Variants in ZSWIM3 observed in about 807,000 individuals in gnomAD.
ZSWIM3 encodes the protein zinc finger SWIM-type containing 3.
A neutral mutation model predicts 47.5 loss-of-function variants in ZSWIM3; 27 were observed. That is an observed-to-expected ratio of 0.57 (90% CI 0.42 to 0.78). The LOEUF is 0.78. ZSWIM3 is among the 30% of genes least tolerant of loss of function. The pLI, the probability that ZSWIM3 is intolerant of heterozygous loss-of-function variation, is 0.00. For synonymous variants in ZSWIM3, 333 were observed against 333.9 expected (o/e 1.00, Z 0.03); for missense variants, 689 against 861.3 (o/e 0.80, Z 2.50).
rs1239100972 is a variant in ZSWIM3 at position 45,872,750 on chromosome 20, T to G, written c.156-3964T>G. ...AGTGGTCACCCCTCACTGGCCTCGC[T>G]GTACTACTGGACTGCTCCAGCCCTT... On this transcript the variant is annotated intron_variant, in intron 1 of 1. Coordinates refer to ENST00000255152, the MANE Select transcript of ZSWIM3 (RefSeq NM_080752.4). The G allele has an allele frequency of 4.7e-6, 6 of 1,289,372 alleles. 1 individual carries two copies. The highest frequency in any genetic ancestry group is 6.1e-6 in the Non-Finnish European group (6 of 988,856). 79.9% of individuals were successfully genotyped at this position (1,289,372 alleles called of 1,614,324 possible).
In ZSWIM3 at chr20:45,877,206, C is replaced by T; in HGVS notation, c.648C>T (p.Arg216=). The change falls in exon 2 of 2, where the codon CGC becomes CGT. Residue 216 remains arginine (R), a synonymous_variant. Transcript: ENST00000255152. ...QSSKMTDLFI[R]FPENLLLHRV... ...GTAAGATGACCGACCTGTTCATCCG[C>T]TTCCCAGAGAATCTCTTGCTACACC... 6.2e-7 allele frequency: 1 copy of T among 1,614,104 alleles called. No individual in the cohort carries two copies. The highest frequency in any genetic ancestry group is 8.5e-7 in the Non-Finnish European group (1 of 1,180,018).
At chr20:45,859,161 G>T (rs1985634902) in intron 1 of ZSWIM3, among the ~76,000 whole-genome samples, 1 of 152,064 alleles carries the variant, frequency 6.6e-6, no homozygotes, top group Admixed American at 6.6e-5. Flanking sequence ...TAAAAAAATT[G>T]AATCAGTTCA....
chr20:45,858,625 G>A (rs1010397800), intron 1 of ZSWIM3, among the ~76,000 whole-genome samples: 1 of 152,100 alleles, frequency 6.6e-6, no homozygotes, highest in Admixed American at 6.6e-5. Context: ...GCGATCTTTC[G>A]GCGTCTCAAA....
At position 45,857,709 on chromosome 20, in the gene ZSWIM3, C is replaced by A; in HGVS notation, c.-117C>A. 7.6e-7 allele frequency: 1 copy of A among 1,323,382 alleles called. No homozygotes were observed. The highest frequency in any genetic ancestry group is 1.4e-5 in the South Asian group (1 of 71,764). The allele number at this position is 1,323,382 out of a possible 1,614,324, so 82.0% of individuals were successfully genotyped here. On this transcript the variant is annotated 5_prime_UTR_variant, in exon 1 of 2. Transcript: ENST00000255152. ...ATAGGCCACCCAGTTGGGGCGGACC[C>A]TTAAGGCATTCTGGGCCCACGCCTG...
In ZSWIM3 at chr20:45,875,035, CTTTTTT is replaced by C. The variant is rs35356697; in HGVS notation, c.156-1661_156-1656del. On this transcript the variant is annotated intron_variant, in intron 1 of 1. Coordinates refer to ENST00000255152, the MANE Select transcript of ZSWIM3 (RefSeq NM_080752.4). Reference sequence around the variant, plus strand: ...GATTTGGGGGGGGTTTTAATTTTAACTTTTTTTTTTTTTTTTTTTTTTTGACAGAGT... The same window carrying C: ...GATTTGGGGGGGGTTTTAATTTTAACTTTTTTTTTTTTTTTTTGACAGAGT... 2.1e-3 allele frequency among the ~76,000 whole-genome samples: 191 copies of C among 90,544 alleles called. 2 individuals carry two copies. Among genetic ancestry groups the C allele is most frequent in the Non-Finnish European group, 2.8e-3 (136 of 48,800 alleles). The allele number at this position is 90,544 out of a possible 152,430, so 59.4% of individuals were successfully genotyped here. A position where few individuals can be genotyped will look rare whatever the true frequency, so the allele number is the denominator to read the frequency against.
At chr20:45,873,194 G>A (rs942088268) in intron 1 of ZSWIM3, among the ~76,000 whole-genome samples, 7 of 152,138 alleles carry the variant, frequency 4.6e-5, no homozygotes, top group Admixed American at 4.6e-4. Context: ...CTGAGGTCAG[G>A]AGTTCAAGAC....
At chr20:45,870,624 G>GAT (rs201053398) in intron 1 of ZSWIM3, among the ~76,000 whole-genome samples, 2 of 152,074 alleles carry the variant, frequency 1.3e-5, no homozygotes, top group Non-Finnish European at 2.9e-5. Flanking sequence ...TATAGAGAGA[G>GAT]AAGAAATTGG....
At chr20:45,874,103 CA>C (rs1388377570) in intron 1 of ZSWIM3, among the ~76,000 whole-genome samples, 3 of 152,176 alleles carry the variant, frequency 2.0e-5, no homozygotes, top group African/African-American at 7.2e-5. Flanking sequence ...GAGTAGAAGC[CA>C]GATGCAGTGG....
In ZSWIM3 at chr20:45,878,992, A is replaced by C; in HGVS notation, c.*343A>C. On this transcript the variant is annotated 3_prime_UTR_variant, in exon 2 of 2. Coordinates refer to ENST00000255152, the MANE Select transcript of ZSWIM3 (RefSeq NM_080752.4). ...CTGCCTCAGGTTAGGGTGAGACAAAATCGGTCTGGTAAAAGGGCCTGTTTT... is the reference window on the plus strand; with the variant it reads ...CTGCCTCAGGTTAGGGTGAGACAAACTCGGTCTGGTAAAAGGGCCTGTTTT... 9.5e-6 allele frequency: 2 copies of C among 210,898 alleles called. No homozygotes were observed. Among genetic ancestry groups the C allele is most frequent in the Non-Finnish European group, 9.5e-6 (1 of 105,326 alleles). The allele number at this position is 210,898 out of a possible 1,614,324, so 13.1% of individuals were successfully genotyped here.
intron 1 of ZSWIM3, among the ~76,000 whole-genome samples, chr20:45,863,629 T>C (rs1169505527): frequency 3.3e-5 from 5 of 152,226 alleles, no homozygotes; most frequent in African/African-American, 9.6e-5. Context: ...GCCTTGTAGA[T>C]GGAAAATAGT....
In ZSWIM3 at chr20:45,857,709, C is replaced by T. The variant is rs1396634233; in HGVS notation, c.-117C>T. The T allele has an allele frequency of 7.6e-7, 1 of 1,323,266 alleles. No individual in the cohort carries two copies. The highest frequency in any genetic ancestry group is 1.4e-5 in the South Asian group (1 of 71,768). 82.0% of individuals were successfully genotyped at this position (1,323,266 alleles called of 1,614,324 possible). On this transcript the variant is annotated 5_prime_UTR_variant, in exon 1 of 2. Coordinates refer to ENST00000255152, the MANE Select transcript of ZSWIM3 (RefSeq NM_080752.4). Reference sequence around the variant, plus strand: ...ATAGGCCACCCAGTTGGGGCGGACCCTTAAGGCATTCTGGGCCCACGCCTG... The same window carrying T: ...ATAGGCCACCCAGTTGGGGCGGACCTTTAAGGCATTCTGGGCCCACGCCTG...
chr20:45,871,883 A>G (rs1393441938), intron 1 of ZSWIM3, among the ~76,000 whole-genome samples: 2 of 151,970 alleles, frequency 1.3e-5, no homozygotes, highest in Admixed American at 1.3e-4. Context: ...AAAAAGAAAA[A>G]AAAAGTATGT....
intron 1 of ZSWIM3, among the ~76,000 whole-genome samples, chr20:45,858,531 G>T (rs1985608234): frequency 6.6e-6 from 1 of 152,174 alleles, no homozygotes; most frequent in Admixed American, 6.6e-5. Flanking sequence ...GGAGGTGCAC[G>T]CCACCATGCC....
chr20:45,871,878 G>T (rs4812970), intron 1 of ZSWIM3, among the ~76,000 whole-genome samples: 1 of 134,338 alleles, frequency 7.4e-6, no homozygotes. Flanking sequence ...AAAAAAAAAA[G>T]AAAAAAAAAG....
chr20:45,876,791 C>T lies in ZSWIM3; in HGVS notation c.233C>T (p.Ala78Val), dbSNP rs1437502159. ...KRTREADMCP[A>V]YLLLRYNERL... ...ACGCGGGAGGCAGACATGTGCCCAG[C>T]GTACTTGCTCCTAAGGTACAACGAG... The change falls in exon 2 of 2, where the codon GCG (alanine) becomes GTG (valine). Residue 78 changes from alanine (A) to valine (V), a missense_variant. Transcript: ENST00000255152. 14 of 1,614,126 alleles carry T rather than the reference C, an allele frequency of 8.7e-6. No homozygotes were observed. Among genetic ancestry groups the T allele is most frequent in the Non-Finnish European group, 1.1e-5 (13 of 1,180,036 alleles).
At chr20:45,860,942 C>T (rs1367599177) in intron 1 of ZSWIM3, among the ~76,000 whole-genome samples, 2 of 152,158 alleles carry the variant, frequency 1.3e-5, no homozygotes, top group African/African-American at 2.4e-5. Flanking sequence ...TCAGTACAGA[C>T]GTAAACATGA....
At chr20:45,869,369 A>G (rs1284367673) in intron 1 of ZSWIM3, among the ~76,000 whole-genome samples, 1 of 151,752 alleles carries the variant, frequency 6.6e-6, no homozygotes, top group Non-Finnish European at 1.5e-5. Context: ...AATACAAAAA[A>G]TTAGCCAGGC....
intron 1 of ZSWIM3, among the ~76,000 whole-genome samples, chr20:45,871,404 A>G (rs1467727802): frequency 1.3e-5 from 2 of 152,246 alleles, no homozygotes; most frequent in Admixed American, 1.3e-4. Flanking sequence ...TAGGTGCTCT[A>G]TGAATGTCAA....
At chr20:45,869,355 T>C (rs1018797012) in intron 1 of ZSWIM3, among the ~76,000 whole-genome samples, 25 of 151,108 alleles carry the variant, frequency 1.7e-4, no homozygotes, top group African/African-American at 5.3e-4. Context: ...CTGTCACTAC[T>C]AAAAATACAA....
Sources: gnomAD v4.1 joint callset for allele counts (sites outside exome capture counted in the v4.1 genomes callset) on GRCh38, gnomAD v4.1.1 for gene constraint, MANE v1.5 for transcripts, NCBI Gene and HGNC (gene_info 2026-07-23, HGNC 2026-07-21) for gene names.